Variants in CWF19L2 observed in about 807,000 individuals in gnomAD.
The protein encoded by CWF19L2 is CWF19-like protein 2.
Under a neutral mutation model 111.7 loss-of-function variants are expected in CWF19L2, and 98 were observed. The ratio of observed to expected loss-of-function variants is 0.88; its 90% CI spans 0.75 to 1.04. The LOEUF (loss-of-function observed/expected upper bound fraction) is 1.04, where lower values mean the gene tolerates loss of function less well. Among genes scored for constraint, CWF19L2 ranks in the 50% least tolerant of loss-of-function variants. The pLI, the probability that CWF19L2 is intolerant of heterozygous loss-of-function variation, is 0.00. For missense variants in CWF19L2, 1,101 were observed against 1,051.4 expected (o/e 1.05, Z -0.65); for synonymous variants, 351 against 342.9 (o/e 1.02, Z -0.26).
chr11:107,381,719 TTAG>T (rs1412947534), intron 12 of CWF19L2, among the ~76,000 whole-genome samples: 1 of 152,136 alleles, frequency 6.6e-6, no homozygotes, highest in African/African-American at 2.4e-5. Flanking sequence ...AAATCTGATA[TTAG>T]TAGTTTACTG....
intron 10 of CWF19L2, among the ~76,000 whole-genome samples, chr11:107,396,301 T>C (rs1860921080): frequency 6.6e-6 from 1 of 152,258 alleles, no homozygotes; most frequent in Admixed American, 6.5e-5. Context: ...TCCAGGTTTT[T>C]AAATTATCCC....
At chr11:107,338,580 C>A (rs192888634) in intron 14 of CWF19L2, among the ~76,000 whole-genome samples, 78 of 152,192 alleles carry the variant, frequency 5.1e-4, no homozygotes, top group African/African-American at 1.8e-3. Context: ...TCCCACCCAC[C>A]GACAGGCTCC....
chr11:107,381,124 A>G (rs1860679636), intron 12 of CWF19L2, among the ~76,000 whole-genome samples: 1 of 152,148 alleles, frequency 6.6e-6, no homozygotes, highest in Non-Finnish European at 1.5e-5. Flanking sequence ...TCTGTCTGAG[A>G]TAATGAAAAA....
At position 107,326,816 on chromosome 11, in the gene CWF19L2, C is replaced by G. The variant is rs1276771381; in HGVS notation, c.*94G>C. ...GAGCAGTCTGCTGCTGTGACTCTCT[C>G]TGCCTGTGACCTGAGGGTCAGTTGC... On this transcript the variant is annotated 3_prime_UTR_variant, in exon 18 of 18. Coordinates refer to ENST00000282251, the MANE Select transcript of CWF19L2 (RefSeq NM_152434.3). 5.6e-6 allele frequency: 6 copies of G among 1,070,254 alleles called. No homozygotes were observed. Among genetic ancestry groups the G allele is most frequent in the Non-Finnish European group, 8.0e-6 (6 of 750,992 alleles). 66.3% of individuals were successfully genotyped at this position (1,070,254 alleles called of 1,614,324 possible). A position where few individuals can be genotyped will look rare whatever the true frequency, so the allele number is the denominator to read the frequency against.
intron 12 of CWF19L2, among the ~76,000 whole-genome samples, chr11:107,362,072 T>C (rs904328773): frequency 6.6e-6 from 1 of 152,116 alleles, no homozygotes; most frequent in African/African-American, 2.4e-5. Flanking sequence ...CGGACGCACC[T>C]GGAAAATCGA....
intron 15 of CWF19L2, 140 bp from the exon 16 acceptor site, chr11:107,335,101 T>A (rs1859903459): frequency 3.9e-6 from 2 of 512,346 alleles, no homozygotes; most frequent in South Asian, 7.2e-5. Context: ...TTAAGGCTTT[T>A]AGTTATTTAA....
At chr11:107,360,016 T>C (rs958227567) in intron 12 of CWF19L2, among the ~76,000 whole-genome samples, 51 of 152,204 alleles carry the variant, frequency 3.4e-4, no homozygotes, top group African/African-American at 1.1e-3. Context: ...CATGCATAGA[T>C]TGCATAGTGA....
intron 10 of CWF19L2, among the ~76,000 whole-genome samples, chr11:107,394,132 C>T (rs1396156590): frequency 6.6e-6 from 1 of 152,070 alleles, no homozygotes; most frequent in Non-Finnish European, 1.5e-5. Context: ...CAATTGGAAT[C>T]AACTATAGAA....
chr11:107,390,752 G>A (rs1860835240), intron 11 of CWF19L2, among the ~76,000 whole-genome samples: 1 of 152,180 alleles, frequency 6.6e-6, no homozygotes, highest in Non-Finnish European at 1.5e-5. Context: ...ATCAGAACCT[G>A]TGATGGTTAA....
At chr11:107,402,902 T>TATATATATATATATATAA in intron 10 of CWF19L2, among the ~76,000 whole-genome samples, 2 of 126,616 alleles carry the variant, frequency 1.6e-5, no homozygotes, top group African/African-American at 3.2e-5. Flanking sequence ...TATATATATA[T>TATATATATATATATATAA]AATGGAATAC....
intron 7 of CWF19L2, among the ~76,000 whole-genome samples, chr11:107,431,494 T>A (rs988625064): frequency 6.6e-6 from 1 of 152,060 alleles, no homozygotes; most frequent in African/African-American, 2.4e-5. Context: ...AATTTATCTA[T>A]ACATTTAGTT....
At chr11:107,425,215 C>CAA (rs1203876280) in intron 8 of CWF19L2, among the ~76,000 whole-genome samples, 1 of 149,712 alleles carries the variant, frequency 6.7e-6, no homozygotes, top group Non-Finnish European at 1.5e-5. Context: ...CACACACACA[C>CAA]AAAGAGGTTG....
chr11:107,450,109 A>G (rs975813577), intron 3 of CWF19L2, among the ~76,000 whole-genome samples: 2 of 152,014 alleles, frequency 1.3e-5, no homozygotes, highest in African/African-American at 4.8e-5. Flanking sequence ...AAGAAAAAAA[A>G]AAAAAAGGAA....
At chr11:107,365,657 T>G (rs1860427976) in intron 12 of CWF19L2, among the ~76,000 whole-genome samples, 1 of 99,386 alleles carries the variant, frequency 1.0e-5, no homozygotes, top group Non-Finnish European at 2.0e-5. Context: ...ATAAATTAGG[T>G]ATTGATGGGA....
intron 12 of CWF19L2, among the ~76,000 whole-genome samples, chr11:107,387,883 A>G (rs1470444589): frequency 6.6e-6 from 1 of 152,174 alleles, no homozygotes; most frequent in Admixed American, 6.5e-5. Context: ...TCCATGGCCC[A>G]GGGATATGGG....
chr11:107,399,089 A>C (rs1860964659), intron 10 of CWF19L2, among the ~76,000 whole-genome samples: 1 of 152,160 alleles, frequency 6.6e-6, no homozygotes, highest in East Asian at 1.9e-4. Context: ...TTTACACCAA[A>C]ACAGAACCTC....
chr11:107,386,831 G>A (rs140990348), intron 12 of CWF19L2, among the ~76,000 whole-genome samples: 28 of 152,144 alleles, frequency 1.8e-4, no homozygotes, highest in South Asian at 1.2e-3. Context: ...TGAGATGGGC[G>A]GATCACGAGG....
chr11:107,448,814 T>A (rs1428334647), intron 3 of CWF19L2, among the ~76,000 whole-genome samples: 1 of 152,130 alleles, frequency 6.6e-6, no homozygotes, highest in Non-Finnish European at 1.5e-5. Flanking sequence ...TGAACCCTCA[T>A]CAGACACAAA....
intron 9 of CWF19L2, among the ~76,000 whole-genome samples, chr11:107,417,268 A>G (rs1861239885): frequency 6.6e-6 from 1 of 152,226 alleles, no homozygotes; most frequent in African/African-American, 2.4e-5. Context: ...GTGCACTTAA[A>G]TATATACATC....
Sources: allele counts gnomAD v4.1 joint callset (sites outside exome capture counted in the v4.1 genomes callset), GRCh38; gene constraint gnomAD v4.1.1; transcripts MANE v1.5; gene names NCBI Gene and HGNC (gene_info 2026-07-23, HGNC 2026-07-21).